The following NALCN variants were observed in gnomAD, a reference collection of about 807,000 sequenced individuals.
The protein encoded by NALCN is sodium leak channel, non-selective.
A neutral mutation model predicts 225.3 loss-of-function variants in NALCN; 111 were observed. The observed-to-expected ratio is 0.49, with a 90% CI of 0.42 to 0.58. NALCN has a LOEUF of 0.58. Among genes scored for constraint, NALCN ranks in the 20% least tolerant of loss-of-function variants. The pLI is 0.00. For synonymous variants in NALCN, 764 were observed against 769.0 expected, an observed-to-expected ratio of 0.99 and a Z score of 0.11; for missense variants, 1,378 against 2,202.4, an observed-to-expected ratio of 0.63 and a Z score of 7.49.
chr13:101,243,399 C>G (rs1302508190), intron 11 of NALCN, among the ~76,000 whole-genome samples: 1 of 104,358 alleles, frequency 9.6e-6, no homozygotes, highest in East Asian at 2.5e-4. Flanking sequence ...ACAACAACAA[C>G]AACAACAACG....
intron 14 of NALCN, among the ~76,000 whole-genome samples, chr13:101,185,650 A>C (rs935022275): frequency 3.3e-5 from 5 of 152,256 alleles, no homozygotes; most frequent in Non-Finnish European, 7.3e-5. Context: ...GAGGTTATGA[A>C]TATGCATTTG....
At position 101,060,284 on chromosome 13, in the gene NALCN, T is replaced by TTTTTTTTTG. The variant is rs1367046681; in HGVS notation, c.4756-318_4756-317insCAAAAAAAA. Among the ~76,000 whole-genome samples, 3 of 139,406 alleles carry TTTTTTTTTG rather than the reference T, an allele frequency of 2.2e-5. 1 individual carries two copies. The highest frequency in any genetic ancestry group is 4.2e-4 in the East Asian group (2 of 4,738). 91.5% of individuals were successfully genotyped at this position (139,406 alleles called of 152,430 possible). A position where few individuals can be genotyped will look rare whatever the true frequency, so the allele number is the denominator to read the frequency against. Reference sequence around the variant, plus strand: ...GTTGTTGGTGTTTTCTGTTTTTTTTTTTTTTTTTTTAGATAGGATCTCACT... The same window carrying TTTTTTTTTG: ...GTTGTTGGTGTTTTCTGTTTTTTTTTTTTTTTTTGTTTTTTTTTTAGATAGGATCTCACT... On this transcript the variant is annotated intron_variant, in intron 41 of 43. Transcript: ENST00000251127.
intron 1 of NALCN, among the ~76,000 whole-genome samples, chr13:101,401,467 A>G (rs78980864): frequency 0.024 from 3,654 of 152,226 alleles, 254 homozygotes; most frequent in East Asian, 0.24. Flanking sequence ...TTCACTTCAA[A>G]GATTATATAA....
intron 12 of NALCN, among the ~76,000 whole-genome samples, chr13:101,236,106 A>T (rs2041543931): frequency 6.6e-6 from 1 of 152,222 alleles, no homozygotes; most frequent in Admixed American, 6.5e-5. Flanking sequence ...TGCGAAGGAC[A>T]TGAACAGACA....
intron 39 of NALCN, among the ~76,000 whole-genome samples, chr13:101,066,575 G>GT (rs111961423): frequency 0.11 from 16,766 of 151,914 alleles, 1,092 homozygotes; most frequent in South Asian, 0.18. Flanking sequence ...GCAGGGCAGT[G>GT]GGTCTTCATG....
intron 15 of NALCN, among the ~76,000 whole-genome samples, chr13:101,147,918 T>A (rs1194738754): frequency 1.3e-5 from 2 of 152,124 alleles, no homozygotes; most frequent in African/African-American, 4.8e-5. Context: ...CCTCTTTTTC[T>A]CTTGAACTCC....
intron 36 of NALCN, among the ~76,000 whole-genome samples, chr13:101,074,133 T>A (rs79177198): frequency 0.013 from 2,027 of 152,338 alleles, 22 homozygotes; most frequent in Non-Finnish European, 0.021. Context: ...TAAATTCCCA[T>A]ATTTTGCTGA....
At chr13:101,349,018 T>G (rs1410766001) in intron 6 of NALCN, among the ~76,000 whole-genome samples, 2 of 152,076 alleles carry the variant, frequency 1.3e-5, no homozygotes, top group Non-Finnish European at 2.9e-5. Flanking sequence ...GTACTTTGGA[T>G]AGAGAACAAG....
intron 15 of NALCN, 57 bp downstream of exon 15, chr13:101,176,243 A>T: frequency 7.5e-7 from 1 of 1,325,622 alleles, no homozygotes; most frequent in Non-Finnish European, 1.0e-6. Context: ...CTATAAGCAA[A>T]TGGTTTGCCC....
At chr13:101,118,201 T>C (rs1392373445) in intron 18 of NALCN, among the ~76,000 whole-genome samples, 1 of 152,066 alleles carries the variant, frequency 6.6e-6, no homozygotes, top group East Asian at 1.9e-4. Context: ...GGGAAATCTC[T>C]GTACCTTTGC....
Position 101,292,353 on chromosome 13 carries a change from G to A in NALCN, c.813C>T (p.Phe271=). The A allele has an allele frequency of 1.2e-6, 2 of 1,614,018 alleles. No homozygotes were observed. Among genetic ancestry groups the A allele is most frequent in the Non-Finnish European group, 1.7e-6 (2 of 1,179,990 alleles). Residue 271 remains phenylalanine (F), a synonymous_variant, in exon 8 of 44, where the codon TTC becomes TTT. Coordinates refer to ENST00000251127, the MANE Select transcript of NALCN (RefSeq NM_052867.4). The surrounding 1 kb of genome is among the most constrained non-coding windows in gnomAD (Gnocchi z 4.3). ...SGFNEIGTSI[F]TVYEAASQEG... ...CCTGTGAGGCGGCCTCATAGACGGT[G>A]AATATACTAGTTCCTGTCATGACAG...
intron 10 of NALCN, among the ~76,000 whole-genome samples, chr13:101,269,703 G>A (rs1407214692): frequency 2.0e-5 from 3 of 152,098 alleles, no homozygotes; most frequent in Non-Finnish European, 2.9e-5. Flanking sequence ...TTCTGCTTTG[G>A]GCACAAGAAG....
At chr13:101,283,545 A>T (rs2043238805) in intron 10 of NALCN, among the ~76,000 whole-genome samples, 1 of 152,206 alleles carries the variant, frequency 6.6e-6, no homozygotes, top group Non-Finnish European at 1.5e-5. Flanking sequence ...CAAATGCAGA[A>T]AAACAGAGAG....
intron 40 of NALCN, among the ~76,000 whole-genome samples, chr13:101,064,150 C>T (rs941117130): frequency 6.6e-6 from 1 of 152,110 alleles, no homozygotes; most frequent in African/African-American, 2.4e-5. Context: ...TCAGTCAAGG[C>T]AGTCAGTTAT....
intron 7 of NALCN, among the ~76,000 whole-genome samples, chr13:101,311,673 C>T (rs1351045941): frequency 1.3e-5 from 2 of 152,006 alleles, no homozygotes; most frequent in Non-Finnish European, 2.9e-5. Flanking sequence ...TATTGATTTG[C>T]GTATGTTGAA....
intron 6 of NALCN, among the ~76,000 whole-genome samples, chr13:101,347,997 A>G (rs2045794369): frequency 1.3e-5 from 2 of 152,184 alleles, no homozygotes; most frequent in Non-Finnish European, 2.9e-5. Flanking sequence ...TGCAGCTAAG[A>G]GATACTATAT....
chr13:101,111,297 C>G (rs2035423375), intron 18 of NALCN, 71 bp from the exon 19 acceptor site: 6 of 1,286,648 alleles, frequency 4.7e-6, no homozygotes, highest in Non-Finnish European at 1.1e-6. Context: ...CATAAGTGCT[C>G]ATTACTTTTA....
chr13:101,275,771 C>T (rs1277667666), intron 10 of NALCN, among the ~76,000 whole-genome samples: 2 of 152,048 alleles, frequency 1.3e-5, no homozygotes, highest in African/African-American at 2.4e-5. Context: ...ATCTATGTTC[C>T]TAGGCTTTTC....
intron 28 of NALCN, among the ~76,000 whole-genome samples, chr13:101,090,817 T>A (rs548963447): frequency 6.6e-6 from 1 of 152,124 alleles, no homozygotes; most frequent in African/African-American, 2.4e-5. Context: ...ATTACTCAGA[T>A]AGTGCACGCA....
Sources: allele counts gnomAD v4.1 joint callset (sites outside exome capture counted in the v4.1 genomes callset), GRCh38; gene constraint gnomAD v4.1.1; non-coding constraint Gnocchi (gnomAD v3.1); transcripts MANE v1.5; gene names NCBI Gene and HGNC (gene_info 2026-07-23, HGNC 2026-07-21).